Variants in MTIF3 observed in about 807,000 individuals in gnomAD.
The protein encoded by MTIF3 is translation initiation factor IF-3, mitochondrial.
MTIF3 carries 13 observed loss-of-function variants against 20.7 expected under a neutral mutation model. That is an observed-to-expected ratio of 0.63 (90% confidence interval 0.41 to 1.00). The LOEUF is 1.00. MTIF3 is among the 50% of genes least tolerant of loss of function. The pLI, the probability that MTIF3 is intolerant of heterozygous loss-of-function variation, is 0.00. For synonymous variants in MTIF3, 114 were observed against 112.5 expected (o/e 1.01, Z -0.08); for missense variants, 295 against 324.5 (o/e 0.91, Z 0.70).
chr13:27,439,250 C>A (rs1953903423), intron 3 of MTIF3, among the ~76,000 whole-genome samples: 1 of 152,116 alleles, frequency 6.6e-6, no homozygotes, highest in African/African-American at 2.4e-5. Context: ...AATCCCAGCA[C>A]TTTGGGAGGC....
chr13:27,439,108 A>C (rs9554042), intron 3 of MTIF3, among the ~76,000 whole-genome samples: 60,753 of 152,194 alleles, frequency 0.4, 13,261 homozygotes, highest in South Asian at 0.59. Context: ...GTGCCTCGTC[A>C]AGTGACTGGT....
chr13:27,437,425 T>C, intron 3 of MTIF3, 152 bp from the exon 4 acceptor site: 1 of 673,590 alleles, frequency 1.5e-6, no homozygotes, highest in South Asian at 2.7e-5. Flanking sequence ...TCTTTTCAAA[T>C]GGGGAAGATA....
chr13:27,443,000 G>C (rs1444692517), intron 2 of MTIF3, among the ~76,000 whole-genome samples: 1 of 152,246 alleles, frequency 6.6e-6, no homozygotes, highest in African/African-American at 2.4e-5. Flanking sequence ...TCGAATGAAT[G>C]CACGGGCCGA....
chr13:27,447,781 T>C (rs1954228955), intron 1 of MTIF3, among the ~76,000 whole-genome samples: 1 of 152,208 alleles, frequency 6.6e-6, no homozygotes, highest in South Asian at 2.1e-4. Flanking sequence ...ATATCTACTC[T>C]TTGTTGTAAG....
chr13:27,436,782 T>C (rs147240135), intron 4 of MTIF3, among the ~76,000 whole-genome samples: 18,417 of 142,010 alleles, frequency 0.13, 1,629 homozygotes, highest in Non-Finnish European at 0.18. Flanking sequence ...GACGGAGTCT[T>C]GCTCTGTCAC....
chr13:27,443,133 G>T (rs9579083), intron 2 of MTIF3, among the ~76,000 whole-genome samples: 1 of 152,150 alleles, frequency 6.6e-6, no homozygotes, highest in Non-Finnish European at 1.5e-5. Context: ...ATGCCCGTCA[G>T]TAATGGTGAG....
chr13:27,439,596 C>T (rs2138094698), intron 3 of MTIF3, among the ~76,000 whole-genome samples: 1 of 152,234 alleles, frequency 6.6e-6, no homozygotes, highest in Non-Finnish European at 1.5e-5. Flanking sequence ...ATGAGTGGCC[C>T]GGCAGAGGGC....
rs75698534 is a variant in MTIF3 at position 27,436,031 on chromosome 13, G to A, written c.619-138C>T. 6,011 of 645,910 alleles carry A rather than the reference G, an allele frequency of 9.3e-3. 265 individuals carry two copies. The African/African-American group carries it at 0.096, about 10-fold the overall frequency. The allele number at this position is 645,910 out of a possible 1,614,324, so 40.0% of individuals were successfully genotyped here. A position where few individuals can be genotyped will look rare whatever the true frequency, so the allele number is the denominator to read the frequency against. ...AAGTGATTAGCTAATCAGTTCATACGTATCTGGTTAAGTTGACTGAAATCT... is the reference window on the plus strand; with the variant it reads ...AAGTGATTAGCTAATCAGTTCATACATATCTGGTTAAGTTGACTGAAATCT... On this transcript the variant is annotated intron_variant, in intron 4 of 4. Coordinates refer to ENST00000381120, the MANE Select transcript of MTIF3 (RefSeq NM_152912.5).
intron 4 of MTIF3, among the ~76,000 whole-genome samples, chr13:27,436,876 C>A (rs1167080974): frequency 6.6e-6 from 1 of 150,632 alleles, no homozygotes; most frequent in Non-Finnish European, 1.5e-5. Context: ...CTCAGCTTCC[C>A]CAGTAGCTGG....
In MTIF3 at chr13:27,435,822, A is replaced by C. The variant is rs1363488415; in HGVS notation, c.690T>G (p.Val230=). 2 of 1,614,110 alleles carry C rather than the reference A, an allele frequency of 1.2e-6. No individual in the cohort carries two copies. The highest frequency in any genetic ancestry group is 1.7e-5 in the Admixed American group (1 of 60,024). The change falls in exon 5 of 5, where the codon GTT becomes GTG. Residue 230 remains valine (V), a synonymous_variant. Coordinates refer to ENST00000381120, the MANE Select transcript of MTIF3 (RefSeq NM_152912.5). ...IATFSSRPQA[V]QGGKALMCVL... Reference sequence around the variant, plus strand: ...CACACATTAAAGCTTTTCCTCCTTGAACAGCTTGTGGCCTAGATGAGAATG... The same window carrying C: ...CACACATTAAAGCTTTTCCTCCTTGCACAGCTTGTGGCCTAGATGAGAATG...
At chr13:27,437,072 G>T (rs1380997185) in intron 4 of MTIF3, 44 bp downstream of exon 4, 1 of 1,591,568 alleles carries the variant, frequency 6.3e-7, no homozygotes, top group East Asian at 2.2e-5. Flanking sequence ...TTTTAGATCA[G>T]AAGACCCAAA....
intron 2 of MTIF3, 70 bp from the exon 3 acceptor site, chr13:27,440,519 T>C (rs1457943587): frequency 2.4e-6 from 3 of 1,247,518 alleles, no homozygotes; most frequent in African/African-American, 3.0e-5. Context: ...TTGTGGTACA[T>C]GGCAGGGTGT....
Position 27,440,082 on chromosome 13 carries a change from T to A in MTIF3, c.367A>T (p.Thr123Ser), listed in dbSNP as rs1461579538. 4 of 1,614,210 alleles carry A rather than the reference T, an allele frequency of 2.5e-6. No individual in the cohort carries two copies. Among genetic ancestry groups the A allele is most frequent in the Non-Finnish European group, 3.4e-6 (4 of 1,180,026 alleles). ...DLRLVQRNTSTEPAEYQLMTG... is the reference protein window; with the variant it reads ...DLRLVQRNTSSEPAEYQLMTG... Reference sequence around the variant, plus strand: ...ATGAGCTGATACTCTGCAGGTTCTGTGCTGGTGTTCCTTTGAACCAGTCGC... The same window carrying A: ...ATGAGCTGATACTCTGCAGGTTCTGAGCTGGTGTTCCTTTGAACCAGTCGC... The change falls in exon 3 of 5, where the codon ACA (threonine) becomes TCA (serine). Residue 123 changes from threonine to serine, a missense_variant. By Grantham distance (58) the Thr-to-Ser change is moderately conservative (BLOSUM62 1). Coordinates refer to ENST00000381120, the MANE Select transcript of MTIF3 (RefSeq NM_152912.5).
intron 1 of MTIF3, among the ~76,000 whole-genome samples, chr13:27,446,654 T>C (rs74043905): frequency 0.033 from 5,000 of 152,328 alleles, 268 homozygotes; most frequent in African/African-American, 0.11. Flanking sequence ...ATTGACATTC[T>C]GGCTTTGTAC....
At chr13:27,445,601 A>T (rs1185958048) in intron 1 of MTIF3, among the ~76,000 whole-genome samples, 2 of 152,110 alleles carry the variant, frequency 1.3e-5, no homozygotes, top group African/African-American at 4.8e-5. Flanking sequence ...GGAAAAGCAC[A>T]CTCTGCTGAG....
chr13:27,439,846 C>G (rs1566083150), intron 3 of MTIF3, 143 bp downstream of exon 3: 1 of 711,434 alleles, frequency 1.4e-6, no homozygotes, highest in Non-Finnish European at 2.3e-6. Flanking sequence ...GGAGGAAAGA[C>G]AGACACTGGG....
At chr13:27,450,061 C>G (rs938850488) in intron 1 of MTIF3, 3 of 152,326 alleles carry the variant, frequency 2.0e-5, no homozygotes, top group Non-Finnish European at 4.4e-5. Context: ...CGCTCTGCCC[C>G]ACCTGTGCCA....
chr13:27,440,160 A>G lies in MTIF3; in HGVS notation c.289T>C (p.Leu97=). Reference sequence around the variant, plus strand: ...ACATTTGCTCGGTGCATGTTTCCCAAATCATTGCCCTTCTCATCAAATAAG... The same window carrying G: ...ACATTTGCTCGGTGCATGTTTCCCAGATCATTGCCCTTCTCATCAAATAAG... The part of the protein sequence containing the change: ...IHLFDEKGND[L]GNMHRANVIR... The change falls in exon 3 of 5, where the codon TTG becomes CTG. Residue 97 remains leucine, a synonymous_variant. Transcript: ENST00000381120. 1 of 1,614,128 alleles carries G rather than the reference A, an allele frequency of 6.2e-7. No homozygotes were observed. The highest frequency in any genetic ancestry group is 1.1e-5 in the South Asian group (1 of 91,072).
At chr13:27,436,131 G>A (rs543544047) in intron 4 of MTIF3, among the ~76,000 whole-genome samples, 10 of 152,262 alleles carry the variant, frequency 6.6e-5, no homozygotes, top group African/African-American at 2.4e-4. Flanking sequence ...GTCATGGCAC[G>A]AAGAGGCTAC....
Sources: allele counts gnomAD v4.1 joint callset (sites outside exome capture counted in the v4.1 genomes callset), GRCh38; gene constraint gnomAD v4.1.1; transcripts MANE v1.5; gene names NCBI Gene and HGNC (gene_info 2026-07-23, HGNC 2026-07-21).